BANK1: variants seen among roughly 807,000 people sequenced by gnomAD.
BANK1 encodes the protein B-cell scaffold protein with ankyrin repeats.
In BANK1, 95 loss-of-function variants were observed where a neutral mutation model predicts 94.5. That is an observed-to-expected ratio of 1.00 (90% CI 0.85 to 1.19). The LOEUF (loss-of-function observed/expected upper bound fraction) is 1.19. BANK1 is among the 50% of genes most tolerant of loss of function. The probability of loss-of-function intolerance (pLI) is 0.00; values close to 1 mark genes in which losing one functional copy is unlikely to be tolerated. For synonymous variants in BANK1, 334 were observed against 308.4 expected (o/e 1.08, Z -0.87); for missense variants, 987 against 932.2 (o/e 1.06, Z -0.77).
At position 101,868,161 on chromosome 4, in the gene BANK1, G is replaced by A. The variant is rs550447153; in HGVS notation, c.764-2344G>A. ...TGGAGGTTGGTGCAAAAGTAATTGC[G>A]GTTTTGCAAATGGCATTGAAAGTAA... is the stretch of plus-strand genomic sequence containing the variant. On this transcript the variant is annotated intron_variant, in intron 4 of 16. Coordinates refer to ENST00000322953, the MANE Select transcript of BANK1 (RefSeq NM_017935.5). Among the ~76,000 whole-genome samples the A allele has an allele frequency of 1.1e-4, 17 of 151,980 alleles. No individual in the cohort carries two copies. The South Asian group carries it at 2.7e-3, about 24-fold the overall frequency.
chr4:101,809,502 A>T (rs1437832451), intron 1 of BANK1, among the ~76,000 whole-genome samples: 6 of 152,202 alleles, frequency 3.9e-5, no homozygotes, highest in African/African-American at 1.4e-4. Flanking sequence ...TATATAAAAA[A>T]TAAAAAATAG....
chr4:102,063,104 T>C lies in BANK1; in HGVS notation c.2178T>C (p.Ile726=), dbSNP rs1199069454. ...AATTACGACAACTACGAGACTGCAT[T>C]ATTGGGAAAAGGCCAGAAGAAGAAA... ...QEKLRQLRDC[I]IGKRPEEENV... The change falls in exon 13 of 17, where the codon ATT becomes ATC. Residue 726 remains isoleucine (I), a synonymous_variant. Transcript: ENST00000322953. 1 of 1,613,622 alleles carries C rather than the reference T, an allele frequency of 6.2e-7. No individual in the cohort carries two copies. Among genetic ancestry groups the C allele is most frequent in the Non-Finnish European group, 8.5e-7 (1 of 1,179,752 alleles).
chr4:101,841,188 A>G (rs1005077282), intron 2 of BANK1, among the ~76,000 whole-genome samples: 2 of 152,150 alleles, frequency 1.3e-5, no homozygotes, highest in African/African-American at 4.8e-5. Flanking sequence ...AATAATACTC[A>G]TTGTAAAAAA....
chr4:101,925,454 T>C (rs1434125935), intron 7 of BANK1, among the ~76,000 whole-genome samples: 3 of 151,724 alleles, frequency 2.0e-5, no homozygotes, highest in Admixed American at 6.6e-5. Context: ...GCTCATTGCA[T>C]TAAAATTAAT....
intron 6 of BANK1, among the ~76,000 whole-genome samples, chr4:101,913,207 A>T (rs1055162701): frequency 2.0e-5 from 3 of 152,018 alleles, no homozygotes; most frequent in Non-Finnish European, 4.4e-5. Context: ...TTCAAAAGGA[A>T]TTTTTTTTAA....
chr4:101,889,954 C>A, intron 5 of BANK1, among the ~76,000 whole-genome samples: 1 of 152,118 alleles, frequency 6.6e-6, no homozygotes. Flanking sequence ...TGTTTGGTTT[C>A]TTAATATTTG....
intron 13 of BANK1, among the ~76,000 whole-genome samples, chr4:102,066,691 G>C (rs1315910075): frequency 6.6e-6 from 1 of 152,094 alleles, no homozygotes; most frequent in African/African-American, 2.4e-5. Flanking sequence ...TAGAATAAAT[G>C]CTTAAAAATA....
chr4:101,828,946 T>C (rs1458328802), intron 1 of BANK1, among the ~76,000 whole-genome samples: 1 of 152,052 alleles, frequency 6.6e-6, no homozygotes, highest in Non-Finnish European at 1.5e-5. Context: ...CACTGCAAAC[T>C]CCGCCTCCTG....
rs1176085652 is a variant in BANK1 at position 101,790,855 on chromosome 4, C to T, written c.-26C>T. ...GTAGCGCTCGGCGGGCAGCAGTGCG[C>T]AGGCCCCTCGGCTTCAACCGCCACA... On this transcript the variant is annotated 5_prime_UTR_variant, in exon 1 of 17. Coordinates refer to ENST00000322953, the MANE Select transcript of BANK1 (RefSeq NM_017935.5). 1.3e-6 allele frequency: 2 copies of T among 1,535,336 alleles called. No individual in the cohort carries two copies. Among genetic ancestry groups the T allele is most frequent in the South Asian group, 1.2e-5 (1 of 83,974 alleles).
At chr4:101,975,248 A>T (rs1218377390) in intron 7 of BANK1, among the ~76,000 whole-genome samples, 1 of 152,208 alleles carries the variant, frequency 6.6e-6, no homozygotes, top group African/African-American at 2.4e-5. Context: ...TTAGATTGTC[A>T]TTAAACACAT....
intron 5 of BANK1, among the ~76,000 whole-genome samples, chr4:101,894,761 A>T (rs549204579): frequency 3.9e-5 from 6 of 152,010 alleles, no homozygotes; most frequent in Non-Finnish European, 7.4e-5. Context: ...CAAGATGCTT[A>T]GGTTAGAGAA....
chr4:101,978,518 A>C (rs1342084479), intron 7 of BANK1, among the ~76,000 whole-genome samples: 3 of 152,124 alleles, frequency 2.0e-5, no homozygotes, highest in African/African-American at 7.2e-5. Flanking sequence ...TTTTTCTCCC[A>C]ATATTTAATT....
chr4:102,057,062 G>A (rs1728249814), intron 11 of BANK1, among the ~76,000 whole-genome samples: 1 of 151,990 alleles, frequency 6.6e-6, no homozygotes, highest in Non-Finnish European at 1.5e-5. Flanking sequence ...AAGAATATAT[G>A]CAACCCTAAA....
intron 5 of BANK1, among the ~76,000 whole-genome samples, chr4:101,886,169 A>G (rs949299013): frequency 6.6e-5 from 10 of 152,198 alleles, no homozygotes; most frequent in Non-Finnish European, 1.3e-4. Context: ...ATGGCTGCTC[A>G]ATAAATATTT....
At chr4:101,993,715 G>T (rs750849983) in intron 7 of BANK1, among the ~76,000 whole-genome samples, 1 of 152,140 alleles carries the variant, frequency 6.6e-6, no homozygotes, top group Non-Finnish European at 1.5e-5. Context: ...AGAATCCTGG[G>T]CAGGGCGTTT....
At chr4:102,028,359 A>G (rs1727172633) in intron 9 of BANK1, among the ~76,000 whole-genome samples, 1 of 152,240 alleles carries the variant, frequency 6.6e-6, no homozygotes, top group African/African-American at 2.4e-5. Context: ...GTGAATTGAA[A>G]GTTAGTGCTA....
At chr4:101,833,122 GGT>G (rs901998563) in intron 2 of BANK1, among the ~76,000 whole-genome samples, 1 of 151,996 alleles carries the variant, frequency 6.6e-6, no homozygotes, top group Non-Finnish European at 1.5e-5. Flanking sequence ...TGGGATTACA[GGT>G]GTGTGCCACC....
intron 7 of BANK1, among the ~76,000 whole-genome samples, chr4:101,957,123 C>T (rs1429616475): frequency 1.3e-5 from 2 of 152,158 alleles, no homozygotes; most frequent in Non-Finnish European, 2.9e-5. Context: ...TGAGAAGATA[C>T]AGAATCTCCT....
At chr4:101,879,601 C>A (rs1307822020) in intron 5 of BANK1, among the ~76,000 whole-genome samples, 2 of 151,794 alleles carry the variant, frequency 1.3e-5, no homozygotes, top group Non-Finnish European at 1.5e-5. Flanking sequence ...TTCTACGAGC[C>A]CTGTATTACC....
Sources: gnomAD v4.1 joint callset for allele counts (sites outside exome capture counted in the v4.1 genomes callset) on GRCh38, gnomAD v4.1.1 for gene constraint, MANE v1.5 for transcripts, NCBI Gene and HGNC (gene_info 2026-07-23, HGNC 2026-07-21) for gene names.